The following ARAP1 variants were observed in gnomAD, a reference collection of about 807,000 sequenced individuals.
The protein encoded by ARAP1 is arf-GAP with Rho-GAP domain, ANK repeat and PH domain-containing protein 1.
Under a neutral mutation model 172.2 loss-of-function variants are expected in ARAP1, and 76 were observed. That is an observed-to-expected ratio of 0.44 (90% CI 0.37 to 0.53). The LOEUF (loss-of-function observed/expected upper bound fraction) is 0.53. Ranked by LOEUF, ARAP1 falls within the 20% of genes least tolerant of loss-of-function variation. ARAP1 has a pLI of 0.00. For missense variants in ARAP1, 1,686 were observed against 1,977.5 expected, an observed-to-expected ratio of 0.85 and a Z score of 2.80; for synonymous variants, 804 against 803.3, an observed-to-expected ratio of 1.00 and a Z score of -0.01.
chr11:72,719,747 C>T (rs548025709), intron 3 of ARAP1, among the ~76,000 whole-genome samples: 1 of 152,294 alleles, frequency 6.6e-6, no homozygotes, highest in East Asian at 1.9e-4. Flanking sequence ...GTGGAGCAGT[C>T]TGCATATCTC....
At chr11:72,685,707 G>A in intron 34 of ARAP1, 26 bp from the exon 35 acceptor site, 1 of 1,613,976 alleles carries the variant, frequency 6.2e-7, no homozygotes, top group South Asian at 1.1e-5. Flanking sequence ...AGACCCACAG[G>A]TATTTTGTGA....
intron 1 of ARAP1, among the ~76,000 whole-genome samples, chr11:72,734,354 C>T (rs1857949882): frequency 6.6e-6 from 1 of 152,158 alleles, no homozygotes; most frequent in Non-Finnish European, 1.5e-5. Context: ...CTCTTGGCCT[C>T]AAGCAATCCT....
At chr11:72,745,734 A>G (rs1425295301) in intron 1 of ARAP1, among the ~76,000 whole-genome samples, 1 of 152,122 alleles carries the variant, frequency 6.6e-6, no homozygotes, top group Non-Finnish European at 1.5e-5. Flanking sequence ...CACCTGTGTC[A>G]TGTCTCAAAG....
rs1203017933 is a variant in ARAP1 at position 72,699,933 on chromosome 11, T to C, written c.2303-381A>G. The C allele has an allele frequency of 8.1e-6, 2 of 248,206 alleles. No homozygotes were observed. Among genetic ancestry groups the C allele is most frequent in the Non-Finnish European group, 1.6e-5 (2 of 124,810 alleles). 15.4% of individuals were successfully genotyped at this position (248,206 alleles called of 1,614,324 possible). On this transcript the variant is annotated intron_variant, in intron 16 of 34. Transcript: ENST00000393609. This position sits in a 1 kb window ranked among gnomAD's most constrained non-coding sequence, Gnocchi z 4.2. ...TCTCTGTCACTCCTGGACACACACA[T>C]CCCTACCCAGCACTCCCAGCTTTTG...
rs1344266689 is a variant in ARAP1 at position 72,712,234 on chromosome 11, G to A, written c.984C>T (p.Val328=). The A allele has an allele frequency of 6.2e-7, 1 of 1,608,400 alleles. No individual in the cohort carries two copies. Among genetic ancestry groups the A allele is most frequent in the Admixed American group, 1.7e-5 (1 of 59,450 alleles). ...PPGGSTPVTP[V]IKAGWLDKNP... ...TCTTGTCCAGCCAGCCAGCCTTGAT[G>A]ACTGGTGTGACGGGGGTGGAGCCCC... is the stretch of plus-strand genomic sequence containing the variant. Residue 328 remains valine, a synonymous_variant, in exon 7 of 35, where the codon GTC becomes GTT. Coordinates refer to ENST00000393609, the MANE Select transcript of ARAP1 (RefSeq NM_001040118.3).
chr11:72,697,799 T>G (rs1856282345), intron 19 of ARAP1, 112 bp downstream of exon 19: 7 of 1,322,824 alleles, frequency 5.3e-6, no homozygotes, highest in Non-Finnish European at 5.2e-6. Flanking sequence ...GAGGGCAGGA[T>G]GGCGGCTCTG....
At position 72,696,967 on chromosome 11, in the gene ARAP1, G is replaced by A. The variant is rs769076099; in HGVS notation, c.3166+16C>T. ...GGTGGAGGAGGAGGAGGCTGGGCAC[G>A]GGCTGCAGGGCCCACCTGAGGCCTC... On this transcript the variant is annotated intron_variant, in intron 22 of 34. Coordinates refer to ENST00000393609, the MANE Select transcript of ARAP1 (RefSeq NM_001040118.3). 6.3e-6 allele frequency: 10 copies of A among 1,596,860 alleles called. No individual in the cohort carries two copies. Among genetic ancestry groups the A allele is most frequent in the Admixed American group, 1.7e-5 (1 of 59,306 alleles).
rs371918867 is a variant in ARAP1, at chr11:72,716,424, A to T, written c.510-2103T>A. 1.1e-3 allele frequency among the ~76,000 whole-genome samples: 169 copies of T among 152,378 alleles called. 1 individual carries two copies. In the South Asian group the frequency reaches 0.014, roughly 13 times the overall value. ...TAGGTTTCCAGCTCTGTTCCCCTAGAAACCTGCAAACGGTGGCGTGTCAGC... is the reference window on the plus strand; with the variant it reads ...TAGGTTTCCAGCTCTGTTCCCCTAGTAACCTGCAAACGGTGGCGTGTCAGC... On this transcript the variant is annotated intron_variant, in intron 3 of 34. Coordinates refer to ENST00000393609, the MANE Select transcript of ARAP1 (RefSeq NM_001040118.3).
chr11:72,719,156 G>A (rs1010312593), intron 3 of ARAP1, among the ~76,000 whole-genome samples: 1 of 152,138 alleles, frequency 6.6e-6, no homozygotes, highest in African/African-American at 2.4e-5. Flanking sequence ...GCCATGCCAG[G>A]GTCCCAGGGC....
chr11:72,735,067 G>A (rs1168004588), intron 1 of ARAP1, among the ~76,000 whole-genome samples: 2 of 151,886 alleles, frequency 1.3e-5, no homozygotes, highest in African/African-American at 4.8e-5. Flanking sequence ...CGCAACCTCT[G>A]CCTCTTGGGC....
chr11:72,728,866 T>C (rs1379541646), intron 2 of ARAP1, among the ~76,000 whole-genome samples: 1 of 152,248 alleles, frequency 6.6e-6, no homozygotes, highest in Non-Finnish European at 1.5e-5. Flanking sequence ...TAAGTTACTT[T>C]ATAAATGTAC....
chr11:72,690,172 C>T (rs772139868), intron 30 of ARAP1, among the ~76,000 whole-genome samples: 1 of 152,026 alleles, frequency 6.6e-6, no homozygotes, highest in Non-Finnish European at 1.5e-5. Context: ...GGGAACAGAA[C>T]TAGAAGCAAG....
At chr11:72,696,747 G>T in intron 22 of ARAP1, 93 bp from the exon 23 acceptor site, 2 of 1,117,360 alleles carry the variant, frequency 1.8e-6, no homozygotes, top group Non-Finnish European at 2.5e-6. Flanking sequence ...GTGGGTGACA[G>T]CAGTCCCTGT....
chr11:72,713,772 A>G (rs1032748147), intron 4 of ARAP1, among the ~76,000 whole-genome samples: 3 of 151,264 alleles, frequency 2.0e-5, no homozygotes, highest in South Asian at 4.2e-4. Flanking sequence ...GCGTGAACCC[A>G]GGAGGCAGAG....
At chr11:72,751,174 A>T (rs1858520578) in intron 1 of ARAP1, among the ~76,000 whole-genome samples, 1 of 152,068 alleles carries the variant, frequency 6.6e-6, no homozygotes, top group Admixed American at 6.6e-5. Flanking sequence ...GCAAGTAGCC[A>T]ATGGGGAGGC....
chr11:72,685,935 G>C (rs1855660188), intron 34 of ARAP1, 107 bp downstream of exon 34: 3 of 1,591,098 alleles, frequency 1.9e-6, no homozygotes, highest in East Asian at 4.5e-5. Context: ...GAGGGGGCCG[G>C]AGGGCAATCG....
In ARAP1 at chr11:72,705,454, G is replaced by A. The variant is rs137997525; in HGVS notation, c.1809+351C>T. The A allele has an allele frequency of 6.5e-5, 15 of 231,372 alleles. No individual in the cohort carries two copies. The East Asian group carries it at 9.7e-4, about 15-fold the overall frequency. 14.3% of individuals were successfully genotyped at this position (231,372 alleles called of 1,614,324 possible). A position where few individuals can be genotyped will look rare whatever the true frequency, so the allele number is the denominator to read the frequency against. The stretch of plus-strand genomic sequence containing the variant: ...CCTCAGTTTACACATCTATTCAATG[G>A]ATGACAGTGAAATTAGATCAGAAGT... On this transcript the variant is annotated intron_variant, in intron 13 of 34. Coordinates refer to ENST00000393609, the MANE Select transcript of ARAP1 (RefSeq NM_001040118.3).
intron 30 of ARAP1, among the ~76,000 whole-genome samples, chr11:72,691,947 C>T (rs1283486751): frequency 6.6e-6 from 1 of 152,154 alleles, no homozygotes; most frequent in East Asian, 1.9e-4. Flanking sequence ...TTGCACAGTT[C>T]ACAGTAGGGT....
chr11:72,701,864 A>G (rs1565215324), intron 15 of ARAP1, 81 bp from the exon 16 acceptor site: 2 of 1,532,970 alleles, frequency 1.3e-6, no homozygotes, highest in Non-Finnish European at 1.8e-6. Flanking sequence ...TGGCCTGGGC[A>G]TTCAGGCTCA....
Sources: gnomAD v4.1 joint callset for allele counts (sites outside exome capture counted in the v4.1 genomes callset) on GRCh38, gnomAD v4.1.1 for gene constraint, Gnocchi (gnomAD v3.1) non-coding constraint, MANE v1.5 for transcripts, NCBI Gene and HGNC (gene_info 2026-07-23, HGNC 2026-07-21) for gene names.